The following ANKRD55 variants were observed in gnomAD, a reference collection of about 807,000 sequenced individuals.
The protein encoded by ANKRD55 is ankyrin repeat domain-containing protein 55.
Under a neutral mutation model 60.6 loss-of-function variants are expected in ANKRD55, and 41 were observed. The ratio of observed to expected loss-of-function variants is 0.68; its 90% CI spans 0.53 to 0.88. ANKRD55 has a LOEUF of 0.88. Among genes scored for constraint, ANKRD55 ranks in the 40% least tolerant of loss-of-function variants. ANKRD55 has a pLI of 0.00. For missense variants in ANKRD55, 732 were observed against 767.6 expected (o/e 0.95, Z 0.55); for synonymous variants, 264 against 290.3 (o/e 0.91, Z 0.92).
chr5:56,121,522 G>A (rs13161361), intron 8 of ANKRD55, among the ~76,000 whole-genome samples: 27,973 of 151,538 alleles, frequency 0.18, 3,185 homozygotes, highest in Non-Finnish European at 0.25. Context: ...ACAGGCGCCC[G>A]CCACCACACC....
intron 1 of ANKRD55, 91 bp from the exon 2 acceptor site, chr5:56,233,037 A>T: frequency 1.2e-6 from 1 of 854,234 alleles, no homozygotes; most frequent in Non-Finnish European, 1.9e-6. Flanking sequence ...TCAGGATTAA[A>T]TGTGCATCAG....
At chr5:56,174,753 A>C (rs991912159) in intron 4 of ANKRD55, among the ~76,000 whole-genome samples, 2 of 150,022 alleles carry the variant, frequency 1.3e-5, no homozygotes, top group Non-Finnish European at 3.0e-5. Context: ...AATCGCTTGA[A>C]CCTGGGAGGC....
At chr5:56,180,453 C>G (rs993739081) in intron 3 of ANKRD55, among the ~76,000 whole-genome samples, 2 of 152,144 alleles carry the variant, frequency 1.3e-5, no homozygotes, top group Admixed American at 6.5e-5. Context: ...CACAAAAAAT[C>G]TTGCTGGGGT....
In ANKRD55 at chr5:56,179,884, A is replaced by C. The variant is rs78034411; in HGVS notation, c.182-3602T>G. On this transcript the variant is annotated intron_variant, in intron 3 of 11. Coordinates refer to ENST00000341048, the MANE Select transcript of ANKRD55 (RefSeq NM_024669.3). ...ATTGAGTGTTTATTATGTATCAGGC[A>C]TAACTTTGAATACTCTAGATGGATT... is the stretch of plus-strand genomic sequence containing the variant. Among the ~76,000 whole-genome samples, 1,014 of 152,336 alleles carry C rather than the reference A, an allele frequency of 6.7e-3. 7 individuals carry two copies. The highest frequency in any genetic ancestry group is 0.023 in the African/African-American group (963 of 41,574).
intron 2 of ANKRD55, among the ~76,000 whole-genome samples, chr5:56,198,756 T>C (rs889435894): frequency 4.0e-5 from 6 of 151,294 alleles, no homozygotes; most frequent in Non-Finnish European, 5.9e-5. Flanking sequence ...CTATGCTAAA[T>C]GTTAATGTTA....
In ANKRD55 at chr5:56,111,416, A is replaced by T. The variant is rs1756693864; in HGVS notation, c.1332T>A (p.Asn444Lys). ...CCCTATGGGAGGCTGTTAGGAAGTT[A>T]TTGCCCAGGGTGATGGGTGGGAGAC... The part of the protein sequence containing the change: ...TQSLPPITLG[N>K]NFLTASHRAT... The change falls in exon 10 of 12, where the codon AAT (asparagine) becomes AAA (lysine). Residue 444 changes from asparagine to lysine, a missense_variant. Physicochemically the swap from Asn to Lys is moderately conservative, Grantham distance 94. This residue lies in a region of ANKRD55 where 597 missense variants were observed against 607.5 expected (regional missense o/e 0.98). Transcript: ENST00000341048. 2.5e-6 allele frequency: 4 copies of T among 1,614,138 alleles called. No individual in the cohort carries two copies. Among genetic ancestry groups the T allele is most frequent in the Non-Finnish European group, 3.4e-6 (4 of 1,180,024 alleles).
At chr5:56,107,933 G>A (rs972928714) in intron 10 of ANKRD55, among the ~76,000 whole-genome samples, 3 of 151,150 alleles carry the variant, frequency 2.0e-5, no homozygotes, top group Admixed American at 6.6e-5. Flanking sequence ...GCAGTGGTGC[G>A]ATCTTGGCTC....
intron 5 of ANKRD55, among the ~76,000 whole-genome samples, chr5:56,160,513 A>G (rs147969334): frequency 0.014 from 2,166 of 152,316 alleles, 56 homozygotes; most frequent in African/African-American, 0.049. Flanking sequence ...TGCTGGGATT[A>G]CAAGTGTGAG....
At chr5:56,192,868 C>A in intron 2 of ANKRD55, 2 of 662,822 alleles carry the variant, frequency 3.0e-6, no homozygotes, top group South Asian at 3.4e-5. Context: ...CCAAACATGT[C>A]AAAGCTACAT....
chr5:56,152,962 C>T (rs184849175), intron 6 of ANKRD55, among the ~76,000 whole-genome samples: 1 of 152,048 alleles, frequency 6.6e-6, no homozygotes, highest in Admixed American at 6.6e-5. Flanking sequence ...CAGATTTTTA[C>T]ATTTCTGAAT....
chr5:56,188,356 A>C (rs1271105019), intron 2 of ANKRD55, among the ~76,000 whole-genome samples: 48 of 121,950 alleles, frequency 3.9e-4, no homozygotes, highest in South Asian at 1.6e-3. Flanking sequence ...CAACCCCGCC[A>C]CCCCCCTACA....
At chr5:56,188,174 G>A (rs1302651695) in intron 2 of ANKRD55, among the ~76,000 whole-genome samples, 1 of 152,060 alleles carries the variant, frequency 6.6e-6, no homozygotes, top group Admixed American at 6.5e-5. Flanking sequence ...ATGGATTCAG[G>A]GATGTGACCC....
rs759896190 is a variant in ANKRD55, at chr5:56,100,286, A to C, written c.1742T>G (p.Leu581Arg). The C allele has an allele frequency of 6.2e-7, 1 of 1,614,188 alleles. No individual in the cohort carries two copies. The highest frequency in any genetic ancestry group is 8.5e-7 in the Non-Finnish European group (1 of 1,180,014). ...TGCAGGAAGCACTCGGTTTGTCCGC[A>C]GAGGTTCTCCAGATAGAACTGGGAA... ...PDQKFLSGEP[L>R]RTNRVLPAIP... Residue 581 changes from leucine to arginine, a missense_variant, in exon 12 of 12, where the codon CTG (leucine) becomes CGG (arginine). This residue lies in a region of ANKRD55 where 597 missense variants were observed against 607.5 expected (regional missense o/e 0.98). Transcript: ENST00000341048.
At chr5:56,209,594 C>G (rs1251410743) in intron 2 of ANKRD55, among the ~76,000 whole-genome samples, 4 of 151,778 alleles carry the variant, frequency 2.6e-5, no homozygotes, top group Non-Finnish European at 5.9e-5. Context: ...AGCCTTCCGA[C>G]TAGCTGGGAC....
intron 10 of ANKRD55, among the ~76,000 whole-genome samples, chr5:56,106,420 C>CTT (rs71602938): frequency 0.019 from 1,829 of 96,738 alleles, 85 homozygotes; most frequent in African/African-American, 0.036. Context: ...GCTAGGAAAG[C>CTT]TTTTTTTTTT....
At chr5:56,116,571 T>C (rs759665262) in intron 9 of ANKRD55, 44 bp downstream of exon 9, 1 of 1,396,684 alleles carries the variant, frequency 7.2e-7, no homozygotes, top group African/African-American at 1.5e-5. Flanking sequence ...AATTTATAAA[T>C]AGTTGAGAAG....
intron 2 of ANKRD55, among the ~76,000 whole-genome samples, chr5:56,206,898 GT>G (rs1266143307): frequency 1.3e-5 from 2 of 152,236 alleles, no homozygotes; most frequent in African/African-American, 4.8e-5. Context: ...ACAGTGGCAG[GT>G]AGTGTCTGCC....
intron 2 of ANKRD55, among the ~76,000 whole-genome samples, chr5:56,208,858 T>C (rs1354904191): frequency 6.6e-6 from 1 of 152,196 alleles, no homozygotes; most frequent in Admixed American, 6.5e-5. Context: ...AAACGTTCAG[T>C]TCCATCATAA....
intron 6 of ANKRD55, chr5:56,146,946 CAATGGT>C (rs1355498869): frequency 6.6e-6 from 1 of 152,156 alleles, no homozygotes; most frequent in Non-Finnish European, 1.5e-5. Context: ...GTGAATTAAA[CAATGGT>C]AATGCAGTGT....
Sources: gnomAD v4.1 joint callset for allele counts (sites outside exome capture counted in the v4.1 genomes callset) on GRCh38, gnomAD v4.1.1 for gene constraint, gnomAD v4.1.1 regional missense constraint, MANE v1.5 for transcripts, NCBI Gene and HGNC (gene_info 2026-07-23, HGNC 2026-07-21) for gene names.